Variants in GRM7 observed in about 807,000 individuals in gnomAD.
GRM7 encodes glutamate metabotropic receptor 7.
In GRM7, 35 loss-of-function variants were observed where a neutral mutation model predicts 84.5. The observed-to-expected ratio is 0.41, with a 90% CI of 0.32 to 0.55. The LOEUF (loss-of-function observed/expected upper bound fraction) is 0.55. Ranked by LOEUF, GRM7 falls within the 20% of genes least tolerant of loss-of-function variation. The pLI, the probability that GRM7 is intolerant of heterozygous loss-of-function variation, is 0.19. For synonymous variants in GRM7, 487 were observed against 455.1 expected, an observed-to-expected ratio of 1.07 and a Z score of -0.89; for missense variants, 1,003 against 1,194.6, an observed-to-expected ratio of 0.84 and a Z score of 2.36.
chr3:7,599,459 C>T (rs965249401), intron 8 of GRM7, among the ~76,000 whole-genome samples: 3 of 152,028 alleles, frequency 2.0e-5, no homozygotes, highest in African/African-American at 7.2e-5. Flanking sequence ...GATGAGAAAT[C>T]CTAGTCCTCA....
At position 7,240,120 on chromosome 3, in the gene GRM7, GTTTTTTTTT is replaced by G. The variant is rs397988598; in HGVS notation, c.737-58548_737-58540del. Among the ~76,000 whole-genome samples, 224 of 52,746 alleles carry G rather than the reference GTTTTTTTTT, an allele frequency of 4.2e-3. 4 individuals carry two copies. Among genetic ancestry groups the G allele is most frequent in the African/African-American group, 0.015 (211 of 14,290 alleles). 34.6% of individuals were successfully genotyped at this position (52,746 alleles called of 152,430 possible). A position where few individuals can be genotyped will look rare whatever the true frequency, so the allele number is the denominator to read the frequency against. On this transcript the variant is annotated intron_variant, in intron 2 of 9. Coordinates refer to ENST00000357716, the MANE Select transcript of GRM7 (RefSeq NM_000844.4). ...TACCAGTAATCTTTTAGCATGTGAG[GTTTTTTTTT>G]TTTTTTTTTTTTTTTCCAGTGGCTT...
intron 1 of GRM7, among the ~76,000 whole-genome samples, chr3:6,950,443 G>A (rs527966052): frequency 5.2e-4 from 79 of 152,290 alleles, no homozygotes; most frequent in Non-Finnish European, 9.8e-4. Context: ...GTACCCGGCC[G>A]TGTGAGGTGT....
At chr3:7,338,966 C>T (rs1424968764) in intron 4 of GRM7, among the ~76,000 whole-genome samples, 2 of 151,522 alleles carry the variant, frequency 1.3e-5, no homozygotes, top group East Asian at 1.9e-4. Flanking sequence ...TCCTACCTGG[C>T]ATCAGCACCT....
At chr3:7,469,307 T>C (rs1177563715) in intron 7 of GRM7, among the ~76,000 whole-genome samples, 3 of 152,232 alleles carry the variant, frequency 2.0e-5, no homozygotes, top group Non-Finnish European at 4.4e-5. Flanking sequence ...AAGTGCTCTG[T>C]AAGCTTGTTC....
intron 7 of GRM7, among the ~76,000 whole-genome samples, chr3:7,522,171 T>G (rs1204390495): frequency 6.6e-6 from 1 of 152,188 alleles, no homozygotes; most frequent in African/African-American, 2.4e-5. Flanking sequence ...AGGCTGGCTC[T>G]TTCTGATCAA....
intron 8 of GRM7, among the ~76,000 whole-genome samples, chr3:7,613,959 G>C (rs921573723): frequency 6.6e-6 from 1 of 152,094 alleles, no homozygotes; most frequent in Non-Finnish European, 1.5e-5. Flanking sequence ...GCAGTCATTG[G>C]ATTTTTTAAA....
intron 4 of GRM7, among the ~76,000 whole-genome samples, chr3:7,336,518 A>G (rs765388854): frequency 3.3e-5 from 5 of 152,070 alleles, no homozygotes; most frequent in African/African-American, 4.8e-5. Context: ...CTTTTATTCA[A>G]CATAATACTG....
At chr3:7,043,899 C>G (rs906645924) in intron 1 of GRM7, among the ~76,000 whole-genome samples, 2 of 152,202 alleles carry the variant, frequency 1.3e-5, no homozygotes, top group Admixed American at 6.5e-5. Flanking sequence ...AGGCAGGTCT[C>G]AAACTCCAGG....
intron 3 of GRM7, among the ~76,000 whole-genome samples, chr3:7,300,101 AT>A (rs1348928630): frequency 6.6e-6 from 1 of 152,140 alleles, no homozygotes; most frequent in Non-Finnish European, 1.5e-5. Context: ...AGTCATGCCA[AT>A]TTACACTTCC....
At chr3:7,620,720 T>C (rs950984837) in intron 8 of GRM7, among the ~76,000 whole-genome samples, 3 of 152,188 alleles carry the variant, frequency 2.0e-5, no homozygotes, top group African/African-American at 7.2e-5. Context: ...TGTCTGGTTA[T>C]AGAGTACAGA....
At chr3:7,425,454 G>A (rs1696569536) in intron 5 of GRM7, among the ~76,000 whole-genome samples, 1 of 152,146 alleles carries the variant, frequency 6.6e-6, no homozygotes, top group African/African-American at 2.4e-5. Flanking sequence ...ATTTGCTTGG[G>A]ACCTTCTGTC....
chr3:7,086,300 G>A (rs752913810), intron 1 of GRM7, among the ~76,000 whole-genome samples: 1 of 152,014 alleles, frequency 6.6e-6, no homozygotes, highest in African/African-American at 2.4e-5. Context: ...GTATATGTGT[G>A]TATAAATCTG....
At chr3:7,734,515 G>A (rs2106529335) in intron 9 of GRM7, among the ~76,000 whole-genome samples, 1 of 152,336 alleles carries the variant, frequency 6.6e-6, no homozygotes, top group Non-Finnish European at 1.5e-5. Context: ...TTTGTTAGAT[G>A]AATGGCTGAG....
intron 2 of GRM7, among the ~76,000 whole-genome samples, chr3:7,157,147 C>T (rs1427359676): frequency 2.0e-5 from 3 of 152,050 alleles, no homozygotes; most frequent in Non-Finnish European, 4.4e-5. Flanking sequence ...TCCATGGAGG[C>T]CTTCAATTCT....
intron 1 of GRM7, among the ~76,000 whole-genome samples, chr3:7,054,982 T>C (rs1697160116): frequency 6.6e-6 from 1 of 152,002 alleles, no homozygotes; most frequent in African/African-American, 2.4e-5. Context: ...CCTGGAAATA[T>C]ACGTATGTTC....
intron 1 of GRM7, among the ~76,000 whole-genome samples, chr3:7,062,739 T>C (rs2124971656): frequency 6.6e-6 from 1 of 151,878 alleles, no homozygotes; most frequent in East Asian, 1.9e-4. Context: ...AAAATGGTGA[T>C]AACCCATATC....
In GRM7 at chr3:7,709,167, T is replaced by C. The variant is rs61661729; in HGVS notation, c.2698+28872T>C. ...TCCCTAAGTATTAGACAGGATAGTA[T>C]CCATGATAAATCCTTACTCATGTGG... On this transcript the variant is annotated intron_variant, in intron 9 of 9. Transcript: ENST00000357716. Among the ~76,000 whole-genome samples, 553 of 152,228 alleles carry C rather than the reference T, an allele frequency of 3.6e-3. 4 individuals are homozygous for C. Among genetic ancestry groups the C allele is most frequent in the African/African-American group, 0.012 (495 of 41,564 alleles).
rs71063284 is a variant in GRM7, at chr3:7,162,729, ATTTTTTTTTTTTTTTTTTTT to A, written c.736+16090_736+16109del. 2.6e-3 allele frequency among the ~76,000 whole-genome samples: 140 copies of A among 54,684 alleles called. 1 individual carries two copies. Among genetic ancestry groups the A allele is most frequent in the South Asian group, 3.8e-3 (5 of 1,322 alleles). 35.9% of individuals were successfully genotyped at this position (54,684 alleles called of 152,430 possible). On this transcript the variant is annotated intron_variant, in intron 2 of 9. Coordinates refer to ENST00000357716, the MANE Select transcript of GRM7 (RefSeq NM_000844.4). ...CAATCTCCCATTACTCCCATTTTTC[ATTTTTTTTTTTTTTTTTTTT>A]TTTTTTTTTTTTTTTTTTTTTTTTT...
chr3:7,588,105 A>C (rs1024706227), intron 8 of GRM7, among the ~76,000 whole-genome samples: 3 of 152,162 alleles, frequency 2.0e-5, no homozygotes, highest in African/African-American at 7.2e-5. Flanking sequence ...GGTAATCATA[A>C]GAATTGTTGT....
Sources: allele counts gnomAD v4.1 joint callset (sites outside exome capture counted in the v4.1 genomes callset), GRCh38; gene constraint gnomAD v4.1.1; transcripts MANE v1.5; gene names NCBI Gene and HGNC (gene_info 2026-07-23, HGNC 2026-07-21).